The following CFAP65 variants were observed in gnomAD, a reference collection of about 807,000 sequenced individuals.
CFAP65 encodes the protein cilia- and flagella-associated protein 65.
CFAP65 carries 155 observed loss-of-function variants against 208.0 expected under a neutral mutation model. The observed-to-expected ratio is 0.75, with a 90% CI of 0.65 to 0.85. CFAP65 has a LOEUF of 0.85. Ranked by LOEUF, CFAP65 falls within the 40% of genes least tolerant of loss-of-function variation. The probability of loss-of-function intolerance (pLI) is 0.00; values close to 1 mark genes in which losing one functional copy is unlikely to be tolerated. For synonymous variants in CFAP65, 970 were observed against 986.3 expected, an observed-to-expected ratio of 0.98 and a Z score of 0.31; for missense variants, 2,294 against 2,451.3, an observed-to-expected ratio of 0.94 and a Z score of 1.36.
In CFAP65 at chr2:219,031,564, C is replaced by T. The variant is rs376689400; in HGVS notation, c.740G>A (p.Arg247His). 3.3e-5 allele frequency: 53 copies of T among 1,614,214 alleles called. 1 individual carries two copies. In the Middle Eastern group the frequency reaches 2.5e-3, roughly 75 times the overall value. The change falls in exon 7 of 35, where the codon CGC (arginine) becomes CAC (histidine). Residue 247 changes from arginine to histidine, a missense_variant. By Grantham distance (29) the Arg-to-His change is conservative. This residue lies in a region of CFAP65 where 867 missense variants were observed against 1,012.6 expected (regional missense o/e 0.86). Coordinates refer to ENST00000341552, the MANE Select transcript of CFAP65 (RefSeq NM_194302.4). This position sits in a 1 kb window ranked among gnomAD's most constrained non-coding sequence, Gnocchi z 5.2. ...CATGGGCAGCTGCAGGGATGGTGGG[C>T]GGCAGATCAGCCTGTGGCAGGGCAG... The part of the protein sequence containing the change: ...ATLPCHRLIC[R>H]PPSLQLPMCA...
At chr2:219,026,784 G>A in intron 13 of CFAP65, 1 of 986,156 alleles carries the variant, frequency 1.0e-6, no homozygotes, top group South Asian at 4.7e-5. Context: ...TCTAGAGCCT[G>A]TAACCTAAAT....
At chr2:219,025,138 G>A (rs1947546510) in intron 14 of CFAP65, among the ~76,000 whole-genome samples, 1 of 152,144 alleles carries the variant, frequency 6.6e-6, no homozygotes, top group African/African-American at 2.4e-5. Flanking sequence ...TGGGGTGACA[G>A]TGCCTGTGTG....
rs775671978 is a variant in CFAP65 at position 219,003,279 on chromosome 2, G to C, written c.5556-7C>G. The C allele has an allele frequency of 3.3e-6, 5 of 1,525,414 alleles. No homozygotes were observed. Among genetic ancestry groups the C allele is most frequent in the Non-Finnish European group, 4.4e-6 (5 of 1,134,244 alleles). The allele number at this position is 1,525,414 out of a possible 1,614,324, so 94.5% of individuals were successfully genotyped here. A position where few individuals can be genotyped will look rare whatever the true frequency, so the allele number is the denominator to read the frequency against. ...GTTGGCGAAGGCCGGGAGCCTGCGAGGGGGCGGGGGCTAGCATGAGGGCGG... is the reference window on the plus strand; with the variant it reads ...GTTGGCGAAGGCCGGGAGCCTGCGACGGGGCGGGGGCTAGCATGAGGGCGG... On this transcript the variant is annotated splice_polypyrimidine_tract_variant and splice_region_variant and intron_variant, in intron 33 of 34. Transcript: ENST00000341552. This position sits in a 1 kb window ranked among gnomAD's most constrained non-coding sequence, Gnocchi z 4.4.
Position 219,028,173 on chromosome 2 carries a change from GGATATGCAGCT to G in CFAP65, c.1851+17_1851+27del. The G allele has an allele frequency of 6.2e-7, 1 of 1,610,570 alleles. No individual in the cohort carries two copies. ...GATTGCCCAAGAATCACTAGAGAAGGGATATGCAGCTGGGGAGGGCACTGTACCTGGATGGG... is the reference window on the plus strand; with the variant it reads ...GATTGCCCAAGAATCACTAGAGAAGGGGGGAGGGCACTGTACCTGGATGGG... On this transcript the variant is annotated intron_variant, in intron 12 of 34. Transcript: ENST00000341552.
intron 32 of CFAP65, among the ~76,000 whole-genome samples, chr2:219,005,057 G>A (rs1479142505): frequency 6.6e-6 from 1 of 151,074 alleles, no homozygotes; most frequent in East Asian, 1.9e-4. Flanking sequence ...CCAGGCTGGA[G>A]TACAGTGGTG....
chr2:219,035,131 C>T, intron 5 of CFAP65: 1 of 508,752 alleles, frequency 2.0e-6, no homozygotes, highest in Non-Finnish European at 3.3e-6. Context: ...CATAAGACTC[C>T]AAAATCACGT....
At chr2:219,011,041 T>A in intron 24 of CFAP65, 45 bp from the exon 25 acceptor site, 1 of 1,538,490 alleles carries the variant, frequency 6.5e-7, no homozygotes, top group African/African-American at 1.4e-5. Flanking sequence ...AGCTCAGCAC[T>A]GCAAATCAGA....
In CFAP65 at chr2:219,005,224, C is replaced by T. The variant is rs536733476; in HGVS notation, c.5051+210G>A. Among the ~76,000 whole-genome samples, 5 of 152,198 alleles carry T rather than the reference C, an allele frequency of 3.3e-5. No individual in the cohort carries two copies. The South Asian group carries it at 1.0e-3, about 32-fold the overall frequency. ...TATTTTTTGTAGAGATGGGGTCTTG[C>T]TATGTTGCCCACGCTGGTCTCAAAC... On this transcript the variant is annotated intron_variant, in intron 32 of 34. Transcript: ENST00000341552.
chr2:219,036,444 CTTT>C (rs768149167), intron 4 of CFAP65, among the ~76,000 whole-genome samples: 3 of 142,440 alleles, frequency 2.1e-5, no homozygotes, highest in African/African-American at 2.6e-5. Context: ...GGCATTTTAT[CTTT>C]TTTTTTTTTT....
Position 219,031,331 on chromosome 2 carries a change from A to T in CFAP65, c.816-26T>A. ...CTGGGGGTGGGGGGCAGGTCAGGGC[A>T]CTGGGCTCCCGGCCCCTGCTCCTGC... On this transcript the variant is annotated intron_variant, in intron 7 of 34. Coordinates refer to ENST00000341552, the MANE Select transcript of CFAP65 (RefSeq NM_194302.4). The surrounding 1 kb of genome is among the most constrained non-coding windows in gnomAD (Gnocchi z 5.2). The T allele has an allele frequency of 6.2e-7, 1 of 1,610,560 alleles. No individual in the cohort carries two copies. The highest frequency in any genetic ancestry group is 8.5e-7 in the Non-Finnish European group (1 of 1,177,406).
intron 18 of CFAP65, 112 bp from the exon 19 acceptor site, chr2:219,021,392 G>T: frequency 7.7e-7 from 1 of 1,299,890 alleles, no homozygotes. Flanking sequence ...AGGCCCTGAG[G>T]CAGGAAACAG....
rs1431535442 is a variant in CFAP65, at chr2:219,032,210, C to A, written c.645+260G>T. Reference sequence around the variant, plus strand: ...TGCTGAGATTCCAGAAGTCAGTCACCGTCCCCGGCCACGGAATGTAGGACT... The same window carrying A: ...TGCTGAGATTCCAGAAGTCAGTCACAGTCCCCGGCCACGGAATGTAGGACT... On this transcript the variant is annotated intron_variant, in intron 6 of 34. Transcript: ENST00000341552. The surrounding 1 kb of genome is among the most constrained non-coding windows in gnomAD (Gnocchi z 5.5). Among the ~76,000 whole-genome samples, 1 of 152,148 alleles carries A rather than the reference C, an allele frequency of 6.6e-6. No homozygotes were observed. Among genetic ancestry groups the A allele is most frequent in the African/African-American group, 2.4e-5 (1 of 41,428 alleles).
chr2:219,006,416 A>G (rs187613675), intron 30 of CFAP65, 49 bp downstream of exon 30: 26 of 1,604,588 alleles, frequency 1.6e-5, no homozygotes, highest in Middle Eastern at 1.7e-4. Context: ...GCAAGCAAGG[A>G]CCCTCCCAAG....
intron 12 of CFAP65, 56 bp downstream of exon 12, chr2:219,028,145 T>C (rs890353712): frequency 2.5e-6 from 4 of 1,590,770 alleles, no homozygotes; most frequent in Non-Finnish European, 3.4e-6. Context: ...CCTGGGGGCA[T>C]GGGATTGCCC....
At chr2:219,027,535 T>G in intron 13 of CFAP65, 115 bp downstream of exon 13, 1 of 1,612,100 alleles carries the variant, frequency 6.2e-7, no homozygotes, top group Non-Finnish European at 8.5e-7. Context: ...AGAGAAAGCC[T>G]GGCACGCAGA....
rs1177260113 is a variant in CFAP65, at chr2:219,002,992, G to A, written c.5723C>T (p.Thr1908Met). 3.8e-6 allele frequency: 6 copies of A among 1,563,238 alleles called. No individual in the cohort carries two copies. The South Asian group carries it at 4.7e-5, about 12-fold the overall frequency. ...CGGGTGGAGTACCTCTGCTTGCTGCGTCGGCAGCAGCGTGTCCGGGGTCAG... is the reference window on the plus strand; with the variant it reads ...CGGGTGGAGTACCTCTGCTTGCTGCATCGGCAGCAGCGTGTCCGGGGTCAG... ...RSLTPDTLLP[T>M]QQAEVLHPVV... The change falls in exon 35 of 35, where the codon ACG (threonine) becomes ATG (methionine). Residue 1908 changes from threonine to methionine, a missense_variant. Transcript: ENST00000341552. This position sits in a 1 kb window ranked among gnomAD's most constrained non-coding sequence, Gnocchi z 7.9.
chr2:219,034,277 G>C (rs867484325), intron 5 of CFAP65: 1 of 152,112 alleles, frequency 6.6e-6, no homozygotes, highest in Non-Finnish European at 1.5e-5. Flanking sequence ...TTATGTAAGA[G>C]ATCAAAGGGA....
chr2:219,039,102 TCCTCGA>T, intron 2 of CFAP65, 52 bp from the exon 3 acceptor site: 4 of 1,484,438 alleles, frequency 2.7e-6, no homozygotes, highest in Non-Finnish European at 3.7e-6. Context: ...AGCAGAGGGA[TCCTCGA>T]TGACTGTAGC....
At chr2:219,028,887 C>T (rs746937905) in intron 11 of CFAP65, among the ~76,000 whole-genome samples, 68 of 152,326 alleles carry the variant, frequency 4.5e-4, no homozygotes, top group Non-Finnish European at 8.1e-4. Flanking sequence ...CAAGCCTGGG[C>T]ACCAGCTCAG....
Sources: allele counts gnomAD v4.1 joint callset (sites outside exome capture counted in the v4.1 genomes callset), GRCh38; gene constraint gnomAD v4.1.1; regional missense constraint gnomAD v4.1.1; non-coding constraint Gnocchi (gnomAD v3.1); transcripts MANE v1.5; gene names NCBI Gene and HGNC (gene_info 2026-07-23, HGNC 2026-07-21).